COL21A1: variants seen among roughly 807,000 people sequenced by gnomAD.
COL21A1 encodes the protein collagen alpha-1(XXI) chain.
A neutral mutation model predicts 137.9 loss-of-function variants in COL21A1; 149 were observed. That is an observed-to-expected ratio of 1.08 (90% CI 0.95 to 1.24). The LOEUF (loss-of-function observed/expected upper bound fraction) is 1.24. Among genes scored for constraint, COL21A1 ranks in the 50% most tolerant of loss-of-function variants. The pLI is 0.00. For synonymous variants in COL21A1, 456 were observed against 391.5 expected, an observed-to-expected ratio of 1.16 and a Z score of -1.95; for missense variants, 1,167 against 1,158.4, an observed-to-expected ratio of 1.01 and a Z score of -0.11.
chr6:56,361,050 C>T (rs773415509), intron 1 of COL21A1, among the ~76,000 whole-genome samples: 16 of 152,146 alleles, frequency 1.1e-4, no homozygotes, highest in Non-Finnish European at 1.8e-4. Flanking sequence ...GCCAAGATTG[C>T]GCCACTGCAC....
chr6:56,183,102 G>C (rs1459148836), intron 1 of COL21A1, among the ~76,000 whole-genome samples: 1 of 152,058 alleles, frequency 6.6e-6, no homozygotes, highest in Non-Finnish European at 1.5e-5. Context: ...TTTAAAATAA[G>C]ATGTAATTGT....
At chr6:56,124,938 C>G (rs1391111065) in intron 14 of COL21A1, among the ~76,000 whole-genome samples, 3 of 151,668 alleles carry the variant, frequency 2.0e-5, no homozygotes, top group Non-Finnish European at 4.4e-5. Flanking sequence ...AGCCACCGCG[C>G]CCGGCCTTCA....
intron 25 of COL21A1, 76 bp downstream of exon 25, chr6:56,061,573 T>C: frequency 1.1e-6 from 1 of 890,748 alleles, no homozygotes. Context: ...AAAAGCTAGA[T>C]TTATATAGTA....
chr6:56,274,737 G>C (rs918278880), intron 1 of COL21A1, among the ~76,000 whole-genome samples: 1 of 152,016 alleles, frequency 6.6e-6, no homozygotes, highest in Admixed American at 6.5e-5. Context: ...CAAAAAAATG[G>C]AAAAATATTC....
At chr6:56,059,947 T>C (rs1765653053) in intron 28 of COL21A1, 71 bp downstream of exon 28, 2 of 1,072,296 alleles carry the variant, frequency 1.9e-6, no homozygotes, top group Non-Finnish European at 2.7e-6. Flanking sequence ...GACTATTAAA[T>C]GGATATAGGG....
At chr6:56,084,410 A>G (rs1157095465) in intron 17 of COL21A1, among the ~76,000 whole-genome samples, 1 of 151,968 alleles carries the variant, frequency 6.6e-6, no homozygotes, top group Non-Finnish European at 1.5e-5. Flanking sequence ...GTATTTGTAA[A>G]GAAAAAGTCC....
At chr6:56,152,251 ACTCT>A (rs1775385293) in intron 10 of COL21A1, among the ~76,000 whole-genome samples, 1 of 151,380 alleles carries the variant, frequency 6.6e-6, no homozygotes, top group African/African-American at 2.4e-5. Context: ...TCCATCACAG[ACTCT>A]CTTTCTCTGA....
intron 1 of COL21A1, among the ~76,000 whole-genome samples, chr6:56,206,408 T>A (rs992481530): frequency 2.0e-5 from 3 of 150,970 alleles, no homozygotes; most frequent in Admixed American, 6.6e-5. Flanking sequence ...CATTACATAA[T>A]GGTAAAGGGC....
rs140969194 is a variant in COL21A1, at chr6:56,202,756, G to A, written c.-38-20100C>T. 9.4e-4 allele frequency among the ~76,000 whole-genome samples: 143 copies of A among 152,314 alleles called. 1 individual carries two copies. Among genetic ancestry groups the A allele is most frequent in the African/African-American group, 3.3e-3 (137 of 41,564 alleles). On this transcript the variant is annotated intron_variant, in intron 1 of 29. Coordinates refer to ENST00000244728, the MANE Select transcript of COL21A1 (RefSeq NM_030820.4). ...CCGTCAAAACCACACATGAAAGAGA[G>A]AACTGCAGTAACTTGCTTGTCTGGA...
chr6:56,173,713 CAT>C (rs1777237051), intron 3 of COL21A1, among the ~76,000 whole-genome samples: 1 of 151,880 alleles, frequency 6.6e-6, no homozygotes, highest in African/African-American at 2.4e-5. Flanking sequence ...ACGAGGCAGA[CAT>C]ATACAGAACT....
chr6:56,206,679 AAAATAAAT>A (rs201550958), intron 1 of COL21A1, among the ~76,000 whole-genome samples: 62 of 59,272 alleles, frequency 1.0e-3, no homozygotes, highest in South Asian at 4.9e-3. Flanking sequence ...CCAATTCAAC[AAAATAAAT>A]AAATAAATAA....
intron 1 of COL21A1, among the ~76,000 whole-genome samples, chr6:56,204,516 G>A (rs1256923350): frequency 6.6e-6 from 1 of 152,138 alleles, no homozygotes; most frequent in Non-Finnish European, 1.5e-5. Context: ...ATCTCCCTGG[G>A]ACAGAGCACC....
chr6:56,058,361 C>T (rs1765510393), intron 29 of COL21A1, among the ~76,000 whole-genome samples: 2 of 151,940 alleles, frequency 1.3e-5, no homozygotes, highest in African/African-American at 4.8e-5. Context: ...GTATTAAAGC[C>T]CTAATTTGTC....
intron 17 of COL21A1, chr6:56,091,740 A>G (rs1172721209): frequency 6.6e-6 from 1 of 152,254 alleles, no homozygotes; most frequent in African/African-American, 2.4e-5. Context: ...AAAAATAGCT[A>G]TGACAAAGCA....
intron 17 of COL21A1, among the ~76,000 whole-genome samples, chr6:56,092,955 C>T (rs1768978304): frequency 6.6e-6 from 1 of 152,110 alleles, no homozygotes; most frequent in Admixed American, 6.6e-5. Flanking sequence ...TGCCAGCATT[C>T]TTTGGCTTGT....
intron 20 of COL21A1, among the ~76,000 whole-genome samples, chr6:56,071,833 G>C (rs1427959188): frequency 6.6e-6 from 1 of 151,338 alleles, no homozygotes; most frequent in African/African-American, 2.4e-5. Context: ...TTTAAGTTCT[G>C]GGTTATATGT....
intron 13 of COL21A1, 70 bp from the exon 14 acceptor site, chr6:56,125,690 G>T: frequency 9.9e-7 from 1 of 1,008,844 alleles, no homozygotes; most frequent in Non-Finnish European, 1.4e-6. Context: ...AAAAAATACA[G>T]ATTATAAGCA....
Position 56,307,737 on chromosome 6 carries a change from C to T in COL21A1, c.-39+86234G>A, listed in dbSNP as rs191566273. On this transcript the variant is annotated intron_variant, in intron 1 of 28. Transcript: ENST00000370819. Reference sequence around the variant, plus strand: ...TGCACTGCACCCACGGTCCTGCACCCGCTTTCCGACACTCCCCAGTGAGAT... The same window carrying T: ...TGCACTGCACCCACGGTCCTGCACCTGCTTTCCGACACTCCCCAGTGAGAT... Among the ~76,000 whole-genome samples, 308 of 152,270 alleles carry T rather than the reference C, an allele frequency of 2.0e-3. 1 individual carries two copies. The highest frequency in any genetic ancestry group is 7.1e-3 in the African/African-American group (294 of 41,546).
intron 1 of COL21A1, among the ~76,000 whole-genome samples, chr6:56,328,817 G>A (rs1019207414): frequency 1.3e-5 from 2 of 151,964 alleles, no homozygotes; most frequent in African/African-American, 4.8e-5. Context: ...ATACTAACTG[G>A]CAAACTCTGC....
Sources: allele counts gnomAD v4.1 joint callset (sites outside exome capture counted in the v4.1 genomes callset), GRCh38; gene constraint gnomAD v4.1.1; transcripts MANE v1.5; gene names NCBI Gene and HGNC (gene_info 2026-07-23, HGNC 2026-07-21).